The following MAGI2 variants were observed in gnomAD, a reference collection of about 807,000 sequenced individuals.
MAGI2 encodes the protein membrane-associated guanylate kinase, WW and PDZ domain-containing protein 2.
In MAGI2, 35 loss-of-function variants were observed where a neutral mutation model predicts 133.3. The ratio of observed to expected loss-of-function variants is 0.26; its 90% confidence interval spans 0.20 to 0.35. MAGI2 has a LOEUF of 0.35. Ranked by LOEUF, MAGI2 falls within the 10% of genes least tolerant of loss-of-function variation. The pLI is 1.00. For missense variants in MAGI2, 1,636 were observed against 1,863.4 expected (o/e 0.88, Z 2.25); for synonymous variants, 729 against 710.6 (o/e 1.03, Z -0.41).
intron 2 of MAGI2, among the ~76,000 whole-genome samples, chr7:78,739,597 T>G (rs1464958447): frequency 1.3e-5 from 2 of 152,148 alleles, no homozygotes; most frequent in African/African-American, 2.4e-5. Context: ...AAAATAGTAT[T>G]AATTTATCTT....
chr7:78,044,827 T>C (rs2151093360), intron 21 of MAGI2, among the ~76,000 whole-genome samples: 1 of 152,160 alleles, frequency 6.6e-6, no homozygotes, highest in East Asian at 1.9e-4. Flanking sequence ...CAAATGTGAA[T>C]AGAAACTTAG....
chr7:78,866,672 T>G (rs1430474615), intron 2 of MAGI2, among the ~76,000 whole-genome samples: 1 of 151,976 alleles, frequency 6.6e-6, no homozygotes, highest in East Asian at 1.9e-4. Flanking sequence ...AATAACACAT[T>G]TCCCATTTGC....
intron 6 of MAGI2, among the ~76,000 whole-genome samples, chr7:78,476,123 C>T (rs1423894634): frequency 1.3e-5 from 2 of 151,842 alleles, no homozygotes; most frequent in Admixed American, 1.3e-4. Context: ...GGTTATCCAA[C>T]AAGTGTCTGT....
At chr7:79,216,323 C>T (rs932118819) in intron 1 of MAGI2, among the ~76,000 whole-genome samples, 1 of 151,904 alleles carries the variant, frequency 6.6e-6, no homozygotes, top group African/African-American at 2.4e-5. Context: ...CTCCACCACT[C>T]AATCAAACCC....
intron 1 of MAGI2, among the ~76,000 whole-genome samples, chr7:79,259,931 G>A (rs764930754): frequency 6.6e-6 from 1 of 152,176 alleles, no homozygotes; most frequent in Non-Finnish European, 1.5e-5. Context: ...TTGTTTTCTT[G>A]ACTATGTTGG....
Position 78,701,781 on chromosome 7 carries a change from A to T in MAGI2, c.419-74542T>A, listed in dbSNP as rs75485382. Among the ~76,000 whole-genome samples the T allele has an allele frequency of 3.9e-5, 6 of 151,950 alleles. No individual in the cohort carries two copies. The East Asian group carries it at 1.2e-3, about 29-fold the overall frequency. On this transcript the variant is annotated intron_variant, in intron 2 of 21. Coordinates refer to ENST00000354212, the MANE Select transcript of MAGI2 (RefSeq NM_012301.4). ...GCTATACTTGTTTATTCTCCCAAACACTTCCAGTTAAAAGGCTTTCTTATA... is the reference window on the plus strand; with the variant it reads ...GCTATACTTGTTTATTCTCCCAAACTCTTCCAGTTAAAAGGCTTTCTTATA...
intron 2 of MAGI2, among the ~76,000 whole-genome samples, chr7:78,727,984 C>G (rs1820985659): frequency 6.6e-6 from 1 of 152,040 alleles, no homozygotes; most frequent in Non-Finnish European, 1.5e-5. Context: ...AAATAGAGAA[C>G]AGGTATGGAG....
intron 21 of MAGI2, among the ~76,000 whole-genome samples, chr7:78,070,804 G>A (rs1316747519): frequency 1.3e-5 from 2 of 151,652 alleles, no homozygotes; most frequent in Non-Finnish European, 2.9e-5. Context: ...CACCACACCC[G>A]GCTGATTTCA....
chr7:78,566,766 A>T, intron 3 of MAGI2, among the ~76,000 whole-genome samples: 1 of 152,304 alleles, frequency 6.6e-6, no homozygotes, highest in East Asian at 1.9e-4. Flanking sequence ...TCAGTACCAT[A>T]GCTGATTTTA....
At chr7:78,961,907 C>A (rs183715342) in intron 2 of MAGI2, among the ~76,000 whole-genome samples, 3 of 152,000 alleles carry the variant, frequency 2.0e-5, no homozygotes, top group African/African-American at 4.8e-5. Context: ...GCCTACTATA[C>A]CCCTAGGCTA....
intron 2 of MAGI2, among the ~76,000 whole-genome samples, chr7:79,005,920 A>T (rs1807389076): frequency 6.6e-6 from 1 of 152,150 alleles, no homozygotes; most frequent in Non-Finnish European, 1.5e-5. Context: ...ATTTTGACTG[A>T]CAAAATGCCA....
chr7:78,216,001 AT>A (rs1445379896), intron 10 of MAGI2, among the ~76,000 whole-genome samples: 2 of 152,220 alleles, frequency 1.3e-5, no homozygotes, highest in African/African-American at 4.8e-5. Flanking sequence ...CCACTGATAC[AT>A]AAAAAATGAA....
chr7:78,480,565 C>A (rs1199872568), intron 6 of MAGI2, among the ~76,000 whole-genome samples: 1 of 151,832 alleles, frequency 6.6e-6, no homozygotes, highest in Non-Finnish European at 1.5e-5. Flanking sequence ...CCCAGGTATG[C>A]AAGGTTGATT....
At chr7:78,841,310 C>A (rs995320846) in intron 2 of MAGI2, among the ~76,000 whole-genome samples, 1 of 152,054 alleles carries the variant, frequency 6.6e-6, no homozygotes, top group Non-Finnish European at 1.5e-5. Flanking sequence ...AAACATGTGA[C>A]CCCTGGTCCT....
In MAGI2 at chr7:78,409,122, T is replaced by A. The variant is rs73367687; in HGVS notation, c.1046-39909A>T. 4.7e-3 allele frequency among the ~76,000 whole-genome samples: 720 copies of A among 152,210 alleles called. 6 individuals are homozygous for A. Among genetic ancestry groups the A allele is most frequent in the African/African-American group, 0.016 (684 of 41,560 alleles). On this transcript the variant is annotated intron_variant, in intron 6 of 21. Coordinates refer to ENST00000354212, the MANE Select transcript of MAGI2 (RefSeq NM_012301.4). ...TTTTCCTGTGGGTTTGCATAGCACC[T>A]TTCTATCACAATGCTTTTTCATGAT...
chr7:79,070,603 TG>T (rs1814866900), intron 1 of MAGI2, among the ~76,000 whole-genome samples: 3 of 151,930 alleles, frequency 2.0e-5, no homozygotes, highest in African/African-American at 7.2e-5. Flanking sequence ...ACCATTCTCT[TG>T]CATCAGCCTT....
intron 1 of MAGI2, among the ~76,000 whole-genome samples, chr7:79,403,600 T>C (rs1845612872): frequency 6.6e-6 from 1 of 152,172 alleles, no homozygotes; most frequent in Non-Finnish European, 1.5e-5. Context: ...GTTAAATTTT[T>C]GTTTCAAATA....
At chr7:78,716,626 C>T (rs1208852431) in intron 2 of MAGI2, among the ~76,000 whole-genome samples, 6 of 152,144 alleles carry the variant, frequency 3.9e-5, no homozygotes, top group African/African-American at 7.2e-5. Flanking sequence ...AAGTGTGGTA[C>T]ATTCACATTG....
intron 6 of MAGI2, among the ~76,000 whole-genome samples, chr7:78,430,124 G>A (rs1017200222): frequency 6.6e-6 from 1 of 152,128 alleles, no homozygotes; most frequent in Admixed American, 6.6e-5. Context: ...GCATTCTGGG[G>A]TGAGGCCTGA....
Sources: allele counts gnomAD v4.1 joint callset (sites outside exome capture counted in the v4.1 genomes callset), GRCh38; gene constraint gnomAD v4.1.1; transcripts MANE v1.5; gene names NCBI Gene and HGNC (gene_info 2026-07-23, HGNC 2026-07-21).